Variants in NUPR1 observed in about 807,000 individuals in gnomAD.
NUPR1 encodes nuclear protein 1, transcriptional regulator.
A neutral mutation model predicts 7.3 loss-of-function variants in NUPR1; 8 were observed. That is an observed-to-expected ratio of 1.09 (90% confidence interval 0.64 to 1.97). The LOEUF (loss-of-function observed/expected upper bound fraction) is 1.97, where lower values mean the gene tolerates loss of function less well. NUPR1 is among the 30% of genes most tolerant of loss of function. The probability of loss-of-function intolerance (pLI) is 0.00; values close to 1 mark genes in which losing one functional copy is unlikely to be tolerated. For missense variants in NUPR1, 96 were observed against 111.7 expected, an observed-to-expected ratio of 0.86 and a Z score of 0.63; for synonymous variants, 39 against 44.5, an observed-to-expected ratio of 0.88 and a Z score of 0.49.
Position 28,535,576 on chromosome 16 carries a change from C to CTTTCTTTCTTTCT in NUPR1, c.*2094_*2106dup, listed in dbSNP as rs1567277497. On this transcript the variant is annotated 3_prime_UTR_variant, in exon 3 of 3. Coordinates refer to ENST00000324873, the MANE Select transcript of NUPR1 (RefSeq NM_012385.3). ...CTTTCTTTCTTTCCTTCCTTCCTTT[C>CTTTCTTTCTTTCT]TTTCTTTCTTTCTTTCTTTCTTTCT... is the stretch of plus-strand genomic sequence containing the variant. The CTTTCTTTCTTTCT allele has an allele frequency of 2.5e-5, 1 of 39,346 alleles. No homozygotes were observed. The highest frequency in any genetic ancestry group is 4.2e-5 in the Non-Finnish European group (1 of 23,962). 2.4% of individuals were successfully genotyped at this position (39,346 alleles called of 1,614,324 possible).
chr16:28,538,050 G>C lies in NUPR1; in HGVS notation c.218C>G (p.Ser73Ter), dbSNP rs1473296327. The C allele has an allele frequency of 1.2e-6, 2 of 1,613,958 alleles. No homozygotes were observed. Among genetic ancestry groups the C allele is most frequent in the South Asian group, 1.1e-5 (1 of 91,080 alleles). ...ERKLVTKLQN[S>*]ERKKRGARR ...CCGTGCCCCTCGCTTCTTCCTCTCT[G>C]AATTCTGCAGCTTGGTCACCAGTTT... The change falls in exon 2 of 3, where the codon TCA becomes TGA. Residue 73 changes from serine (S) to a stop codon, truncating the protein, a stop_gained. Coordinates refer to ENST00000324873, the MANE Select transcript of NUPR1 (RefSeq NM_012385.3). LOFTEE classifies it high-confidence loss of function.
At chr16:28,538,321 CT>C (rs2046639831) in intron 1 of NUPR1, 166 bp from the exon 2 acceptor site, 2 of 929,040 alleles carry the variant, frequency 2.2e-6, no homozygotes, top group Admixed American at 4.8e-5. Context: ...AGGTCCCAGG[CT>C]GAGTAACATA....
rs1251371082 is a variant in NUPR1, at chr16:28,534,585, C to T, written c.*3098G>A. ...GCTAGCTTCTTCGTGTATTCACTCT[C>T]TCTGGTTCCCTTTCATCATAAAACC... is the stretch of plus-strand genomic sequence containing the variant. On this transcript the variant is annotated 3_prime_UTR_variant, in exon 3 of 3. Transcript: ENST00000324873. 6.6e-6 allele frequency: 1 copy of T among 152,228 alleles called. No homozygotes were observed. Among genetic ancestry groups the T allele is most frequent in the East Asian group, 1.9e-4 (1 of 5,178 alleles). The allele number at this position is 152,228 out of a possible 1,614,324, so 9.4% of individuals were successfully genotyped here.
rs1391184047 is a variant in NUPR1 at position 28,538,878 on chromosome 16, G to A, written c.30C>T (p.Ala10=). 6.2e-7 allele frequency: 1 copy of A among 1,613,254 alleles called. No individual in the cohort carries two copies. Among genetic ancestry groups the A allele is most frequent in the African/African-American group, 1.3e-5 (1 of 74,844 alleles). ...CCTCCGGGCCTGGGGGCTGCTGGGG[G>A]GCGCTGGTTGCTGGTGGGAAGGTGG... is the stretch of plus-strand genomic sequence containing the variant. MATFPPATS[A]PQQPPGPEDE... Residue 10 remains alanine (A), a synonymous_variant, in exon 1 of 3, where the codon GCC becomes GCT. Coordinates refer to ENST00000324873, the MANE Select transcript of NUPR1 (RefSeq NM_012385.3).
rs1555472555 is a variant in NUPR1, at chr16:28,535,571, C to CTTTCTTTCTTTCTTTCTTTT, written c.*2111_*2112insAAAAGAAAGAAAGAAAGAAA. On this transcript the variant is annotated 3_prime_UTR_variant, in exon 3 of 3. Transcript: ENST00000324873. ...TCTTTCTTTCTTTCTTTCCTTCCTT[C>CTTTCTTTCTTTCTTTCTTTT]CTTTCTTTCTTTCTTTCTTTCTTTC... 9 of 71,876 alleles carry CTTTCTTTCTTTCTTTCTTTT rather than the reference C, an allele frequency of 1.3e-4. No individual in the cohort carries two copies. The highest frequency in any genetic ancestry group is 3.0e-4 in the African/African-American group (5 of 16,860). The allele number at this position is 71,876 out of a possible 1,614,324, so 4.5% of individuals were successfully genotyped here. A position where few individuals can be genotyped will look rare whatever the true frequency, so the allele number is the denominator to read the frequency against.
rs200996990 is a variant in NUPR1, at chr16:28,538,857, C to T, written c.51G>A (p.Pro17=). The change falls in exon 1 of 3, where the codon CCG becomes CCA. Residue 17 remains proline (P), a synonymous_variant. Coordinates refer to ENST00000324873, the MANE Select transcript of NUPR1 (RefSeq NM_012385.3). ...CATCCAGGCTGGAGTCCTCGTCCTC[C>T]GGGCCTGGGGGCTGCTGGGGGGCGC... The part of the protein sequence containing the change: ...ATSAPQQPPG[P]EDEDSSLDES... The T allele has an allele frequency of 9.6e-5, 155 of 1,613,204 alleles. No individual in the cohort carries two copies. Among genetic ancestry groups the T allele is most frequent in the Middle Eastern group, 1.7e-4 (1 of 6,058 alleles).
At chr16:28,538,701 A>G in intron 1 of NUPR1, 95 bp downstream of exon 1, 1 of 999,050 alleles carries the variant, frequency 1.0e-6, no homozygotes, top group Non-Finnish European at 1.6e-6. Flanking sequence ...GAAAGAAACG[A>G]AGAGGAAAGG....
At chr16:28,537,945 C>T in intron 2 of NUPR1, 61 bp downstream of exon 2, 1 of 1,412,412 alleles carries the variant, frequency 7.1e-7, no homozygotes, top group Non-Finnish European at 9.7e-7. Context: ...CACACACCTT[C>T]CGGCCTGTCC....
In NUPR1 at chr16:28,537,353, C is replaced by T. The variant is rs1443398832; in HGVS notation, c.*330G>A. 6.6e-6 allele frequency: 1 copy of T among 152,300 alleles called. No individual in the cohort carries two copies. The highest frequency in any genetic ancestry group is 6.6e-5 in the Admixed American group (1 of 15,262). 9.4% of individuals were successfully genotyped at this position (152,300 alleles called of 1,614,324 possible). On this transcript the variant is annotated 3_prime_UTR_variant, in exon 3 of 3. Transcript: ENST00000324873. ...AAAACACACAAAGAACAAGGATGAA[C>T]ACACACCCAAGCTGTGGCTGCCGTG...
In NUPR1 at chr16:28,534,679, G is replaced by A. The variant is rs139634650; in HGVS notation, c.*3004C>T. 2 of 152,164 alleles carry A rather than the reference G, an allele frequency of 1.3e-5. No individual in the cohort carries two copies. Among genetic ancestry groups the A allele is most frequent in the African/African-American group, 4.8e-5 (2 of 41,436 alleles). 9.4% of individuals were successfully genotyped at this position (152,164 alleles called of 1,614,324 possible). The stretch of plus-strand genomic sequence containing the variant: ...AATGCTACATTTCCCAACCTCTCTC[G>A]TAGTTGGGTGTGGCCATGTAGCCAC... On this transcript the variant is annotated 3_prime_UTR_variant, in exon 3 of 3. Transcript: ENST00000324873.
At position 28,535,571 on chromosome 16, in the gene NUPR1, C is replaced by CCTTTCTTTCTTTCTTT. The variant is rs61474495; in HGVS notation, c.*2096_*2111dup. ...TCTTTCTTTCTTTCTTTCCTTCCTTCCTTTCTTTCTTTCTTTCTTTCTTTC... is the reference window on the plus strand; with the variant it reads ...TCTTTCTTTCTTTCTTTCCTTCCTTCCTTTCTTTCTTTCTTTCTTTCTTTCTTTCTTTCTTTCTTTC... On this transcript the variant is annotated 3_prime_UTR_variant, in exon 3 of 3. Transcript: ENST00000324873. 7.0e-5 allele frequency: 5 copies of CCTTTCTTTCTTTCTTT among 71,886 alleles called. No homozygotes were observed. Among genetic ancestry groups the CCTTTCTTTCTTTCTTT allele is most frequent in the African/African-American group, 3.0e-4 (5 of 16,862 alleles). The allele number at this position is 71,886 out of a possible 1,614,324, so 4.5% of individuals were successfully genotyped here. A position where few individuals can be genotyped will look rare whatever the true frequency, so the allele number is the denominator to read the frequency against.
Position 28,535,634 on chromosome 16 carries a change from TCTTTC to T in NUPR1, c.*2044_*2048del, listed in dbSNP as rs1410952770. ...TTTCTTTCTTTCTTCTCTTTCTCTC[TCTTTC>T]TTCTTTTTCTCTCCTTTCTCTCTTT... On this transcript the variant is annotated 3_prime_UTR_variant, in exon 3 of 3. Coordinates refer to ENST00000324873, the MANE Select transcript of NUPR1 (RefSeq NM_012385.3). 1.0e-4 allele frequency: 15 copies of T among 146,180 alleles called. No individual in the cohort carries two copies. Among genetic ancestry groups the T allele is most frequent in the Admixed American group, 1.4e-4 (2 of 14,218 alleles). The allele number at this position is 146,180 out of a possible 1,614,324, so 9.1% of individuals were successfully genotyped here.
chr16:28,538,196 CATG>C, intron 1 of NUPR1, 41 bp from the exon 2 acceptor site: 1 of 1,613,464 alleles, frequency 6.2e-7, no homozygotes, highest in Non-Finnish European at 8.5e-7. Context: ...TGGGCATAGG[CATG>C]ATGAGAGGCC....
Position 28,536,992 on chromosome 16 carries a change from C to A in NUPR1, c.*691G>T, listed in dbSNP as rs373035440. The A allele has an allele frequency of 4.6e-5, 7 of 152,314 alleles. No homozygotes were observed. Among genetic ancestry groups the A allele is most frequent in the South Asian group, 2.1e-4 (1 of 4,832 alleles). The allele number at this position is 152,314 out of a possible 1,614,324, so 9.4% of individuals were successfully genotyped here. A position where few individuals can be genotyped will look rare whatever the true frequency, so the allele number is the denominator to read the frequency against. ...TTTTAATATTTTAAATCTCAGTTTT[C>A]TCTGACTTTTAGATGGCACTCATAA... is the stretch of plus-strand genomic sequence containing the variant. On this transcript the variant is annotated 3_prime_UTR_variant, in exon 3 of 3. Transcript: ENST00000324873.
chr16:28,535,682 C>T lies in NUPR1; in HGVS notation c.*2001G>A, dbSNP rs544482516. On this transcript the variant is annotated 3_prime_UTR_variant, in exon 3 of 3. Transcript: ENST00000324873. The stretch of plus-strand genomic sequence containing the variant: ...CTCTCTTTCTTTTCTTTCTTCCTTC[C>T]TTTCTTTTCCTTCCTTCCTTCTTTT... 3 of 142,028 alleles carry T rather than the reference C, an allele frequency of 2.1e-5. No homozygotes were observed. Among genetic ancestry groups the T allele is most frequent in the African/African-American group, 7.8e-5 (3 of 38,222 alleles). The allele number at this position is 142,028 out of a possible 1,614,324, so 8.8% of individuals were successfully genotyped here.
rs2046604840 is a variant in NUPR1, at chr16:28,535,503, T to TTTTCCTTTC, written c.*2179_*2180insGAAAGGAAA. 1 of 98,470 alleles carries TTTTCCTTTC rather than the reference T, an allele frequency of 1.0e-5. No individual in the cohort carries two copies. Among genetic ancestry groups the TTTTCCTTTC allele is most frequent in the Non-Finnish European group, 2.0e-5 (1 of 50,460 alleles). The allele number at this position is 98,470 out of a possible 1,614,324, so 6.1% of individuals were successfully genotyped here. ...TGAGCCACTGTGCCGGGGCTCGCTCTTTTCTTTCTTTCTTTCTTTCTTTCT... is the reference window on the plus strand; with the variant it reads ...TGAGCCACTGTGCCGGGGCTCGCTCTTTTCCTTTCTTTCTTTCTTTCTTTCTTTCTTTCT... On this transcript the variant is annotated 3_prime_UTR_variant, in exon 3 of 3. Transcript: ENST00000324873.
At position 28,535,612 on chromosome 16, in the gene NUPR1, C is replaced by CTT. The variant is rs1336140327; in HGVS notation, c.*2069_*2070dup. The CTT allele has an allele frequency of 3.7e-3, 38 of 10,394 alleles. 8 individuals are homozygous for CTT. The highest frequency in any genetic ancestry group is 0.014 in the Non-Finnish European group (34 of 2,426). 0.6% of individuals were successfully genotyped at this position (10,394 alleles called of 1,614,324 possible). ...TCTTTCTTTCTTTCTTTCTTTCTTTCTTTCTTTCTTCTCTTTCTCTCTCTT... is the reference window on the plus strand; with the variant it reads ...TCTTTCTTTCTTTCTTTCTTTCTTTCTTTTTCTTTCTTCTCTTTCTCTCTCTT... On this transcript the variant is annotated 3_prime_UTR_variant, in exon 3 of 3. Coordinates refer to ENST00000324873, the MANE Select transcript of NUPR1 (RefSeq NM_012385.3).
In NUPR1 at chr16:28,535,544, C is replaced by CTTTCTTTCTTT. The variant is rs1406601108; in HGVS notation, c.*2138_*2139insAAAGAAAGAAA. 3.8e-4 allele frequency: 22 copies of CTTTCTTTCTTT among 58,174 alleles called. 1 individual carries two copies. Among genetic ancestry groups the CTTTCTTTCTTT allele is most frequent in the African/African-American group, 1.2e-3 (20 of 16,766 alleles). The allele number at this position is 58,174 out of a possible 1,614,324, so 3.6% of individuals were successfully genotyped here. A position where few individuals can be genotyped will look rare whatever the true frequency, so the allele number is the denominator to read the frequency against. ...CTTTCTTTCTTTCTTTCTTTCTTTC[C>CTTTCTTTCTTT]TTCTTTCTTTCTTTCTTTCCTTCCT... On this transcript the variant is annotated 3_prime_UTR_variant, in exon 3 of 3. Coordinates refer to ENST00000324873, the MANE Select transcript of NUPR1 (RefSeq NM_012385.3).
rs556177404 is a variant in NUPR1 at position 28,537,263 on chromosome 16, C to T, written c.*420G>A. 1 of 152,462 alleles carries T rather than the reference C, an allele frequency of 6.6e-6. No homozygotes were observed. The highest frequency in any genetic ancestry group is 1.9e-4 in the East Asian group (1 of 5,226). The allele number at this position is 152,462 out of a possible 1,614,324, so 9.4% of individuals were successfully genotyped here. A position where few individuals can be genotyped will look rare whatever the true frequency, so the allele number is the denominator to read the frequency against. ...GATACATACACCAAACACAAATACA[C>T]ATCAAAGATGCTCTCTCAGGCTCAT... On this transcript the variant is annotated 3_prime_UTR_variant, in exon 3 of 3. Coordinates refer to ENST00000324873, the MANE Select transcript of NUPR1 (RefSeq NM_012385.3).
Sources: allele counts gnomAD v4.1 joint callset, GRCh38; gene constraint gnomAD v4.1.1; transcripts MANE v1.5; gene names NCBI Gene and HGNC (gene_info 2026-07-23, HGNC 2026-07-21).